EDA2R: variants seen among roughly 807,000 people sequenced by gnomAD.
The protein encoded by EDA2R is ectodysplasin A2 receptor.
A neutral mutation model predicts 20.1 loss-of-function variants in EDA2R; 26 were observed. That is an observed-to-expected ratio of 1.30 (90% CI 0.95 to 1.80). The LOEUF is 1.80. Among genes scored for constraint, EDA2R ranks in the 40% most tolerant of loss-of-function variants. EDA2R has a pLI of 0.00. For missense variants in EDA2R, 277 were observed against 228.7 expected (o/e 1.21, Z -1.36); for synonymous variants, 114 against 88.7 (o/e 1.29, Z -1.60).
intron 4 of EDA2R, among the ~76,000 whole-genome samples, chrX:66,604,167 C>T (rs1929197075): frequency 8.9e-6 from 1 of 111,873 alleles, no homozygotes; most frequent in African/African-American, 3.3e-5. Context: ...AGATACCCAT[C>T]ACACAAGGTA....
At position 66,614,532 on chromosome X, in the gene EDA2R, C is replaced by A. The variant is rs1043240527; in HGVS notation, c.87+1402G>T. Among the ~76,000 whole-genome samples, 9 of 111,997 alleles carry A rather than the reference C, an allele frequency of 8.0e-5. No individual in the cohort carries two copies. The East Asian group carries it at 1.1e-3, about 14-fold the overall frequency. On this transcript the variant is annotated intron_variant, in intron 2 of 6. Coordinates refer to ENST00000374719, the MANE Select transcript of EDA2R (RefSeq NM_021783.5). ...ATTACACATATATAAGCTTTAATAT[C>A]TATTTTAATGTCCAGCATGACCTTA...
intron 5 of EDA2R, among the ~76,000 whole-genome samples, chrX:66,602,348 G>A (rs762288558): frequency 2.2e-4 from 24 of 110,930 alleles, no homozygotes; most frequent in Admixed American, 6.7e-4. Context: ...TAGGTCTCCC[G>A]ATTCCTTTCC....
Position 66,597,949 on chromosome X carries a change from C to A in EDA2R, c.*155G>T. On this transcript the variant is annotated 3_prime_UTR_variant, in exon 7 of 7. Transcript: ENST00000374719. ...AGTCCTTGTGAAATGGAGAATCAATCCTCTGGTGGGATGGGATAGGATATG... is the reference window on the plus strand; with the variant it reads ...AGTCCTTGTGAAATGGAGAATCAATACTCTGGTGGGATGGGATAGGATATG... The A allele has an allele frequency of 1.3e-6, 1 of 747,892 alleles. No individual in the cohort carries two copies. The highest frequency in any genetic ancestry group is 2.2e-5 in the African/African-American group (1 of 46,029). 61.6% of individuals were successfully genotyped at this position (747,892 alleles called of 1,213,427 possible).
rs779409669 is a variant in EDA2R, at chrX:66,638,012, C to T, written c.-11+983G>A. ...ATAAAAAAAAACCTTTTTCTGATTT[C>T]GTATGGTTCAACTTGATACAATCCT... On this transcript the variant is annotated intron_variant, in intron 1 of 6. Transcript: ENST00000374719. Among the ~76,000 whole-genome samples the T allele has an allele frequency of 4.4e-5, 5 of 112,386 alleles. No homozygotes were observed. In the South Asian group the frequency reaches 1.5e-3, roughly 33 times the overall value.
intron 1 of EDA2R, among the ~76,000 whole-genome samples, chrX:66,633,656 T>G (rs1269372526): frequency 1.8e-5 from 2 of 111,277 alleles, no homozygotes; most frequent in African/African-American, 6.5e-5. Context: ...ACCTGAAACC[T>G]CTTGCTTTGC....
chrX:66,636,376 A>C (rs921960054), intron 1 of EDA2R, among the ~76,000 whole-genome samples: 1 of 110,837 alleles, frequency 9.0e-6, no homozygotes, highest in Non-Finnish European at 1.9e-5. Flanking sequence ...AAATGATACA[A>C]TTATCTGAGC....
intron 2 of EDA2R, among the ~76,000 whole-genome samples, chrX:66,605,564 G>T (rs1022115086): frequency 8.9e-6 from 1 of 111,907 alleles, no homozygotes; most frequent in African/African-American, 3.2e-5. Flanking sequence ...CCTACCAGGG[G>T]GTTCCTGAGG....
At chrX:66,609,348 C>A (rs1475950488) in intron 2 of EDA2R, among the ~76,000 whole-genome samples, 1 of 107,094 alleles carries the variant, frequency 9.3e-6, no homozygotes, top group Admixed American at 9.6e-5. Context: ...ATACTCCTTC[C>A]ATTCTGCCCC....
intron 1 of EDA2R, among the ~76,000 whole-genome samples, chrX:66,624,634 TG>T (rs750852276): frequency 8.9e-6 from 1 of 112,102 alleles, no homozygotes; most frequent in East Asian, 2.8e-4. Context: ...GGGATCATCA[TG>T]GCAGACGGGA....
intron 2 of EDA2R, 43 bp downstream of exon 2, chrX:66,615,891 C>T: frequency 8.9e-7 from 1 of 1,119,278 alleles, no homozygotes. Flanking sequence ...GGGCTGGTTC[C>T]TAAGATGCAA....
At chrX:66,618,888 T>G (rs1932153569) in intron 1 of EDA2R, among the ~76,000 whole-genome samples, 1 of 112,520 alleles carries the variant, frequency 8.9e-6, no homozygotes, top group African/African-American at 3.2e-5. Flanking sequence ...GTTTTACCTT[T>G]GTCAGCATCA....
At chrX:66,613,210 A>G (rs1569237984) in intron 2 of EDA2R, among the ~76,000 whole-genome samples, 2 of 112,126 alleles carry the variant, frequency 1.8e-5, no homozygotes, top group East Asian at 5.6e-4. Flanking sequence ...AACAGATGAT[A>G]CTAAAATGAA....
intron 1 of EDA2R, among the ~76,000 whole-genome samples, chrX:66,624,651 G>A (rs780759632): frequency 8.9e-6 from 1 of 111,917 alleles, no homozygotes; most frequent in South Asian, 3.8e-4. Context: ...CGGGAGGCAG[G>A]ACTAGATTGC....
At chrX:66,604,626 C>A in intron 3 of EDA2R, 120 bp from the exon 4 acceptor site, 1 of 590,535 alleles carries the variant, frequency 1.7e-6, no homozygotes, top group Non-Finnish European at 2.7e-6. Context: ...GCCCACCCCT[C>A]TTTCTGAGTT....
chrX:66,622,033 C>T (rs1315546510), intron 1 of EDA2R, among the ~76,000 whole-genome samples: 1 of 111,589 alleles, frequency 9.0e-6, no homozygotes, highest in African/African-American at 3.3e-5. Context: ...CACAGGCCTC[C>T]AAATATAATT....
chrX:66,604,766 A>G (rs949428417), intron 3 of EDA2R, among the ~76,000 whole-genome samples: 6 of 111,521 alleles, frequency 5.4e-5, no homozygotes, highest in African/African-American at 2.0e-4. Context: ...TACCAAGTAC[A>G]TCATAACTTC....
At position 66,599,950 on chromosome X, in the gene EDA2R, G is replaced by T. The variant is rs1322314234; in HGVS notation, c.518-90C>A. 6 of 1,139,212 alleles carry T rather than the reference G, an allele frequency of 5.3e-6. No individual in the cohort carries two copies. The Admixed American group carries it at 1.4e-4, about 27-fold the overall frequency. 93.9% of individuals were successfully genotyped at this position (1,139,212 alleles called of 1,213,427 possible). ...GGGTACTGAGTACAAGACAGGTAAA[G>T]GTCTGGGAGCTGATTCTTTCCTTCC... On this transcript the variant is annotated intron_variant, in intron 5 of 6. Transcript: ENST00000374719.
chrX:66,632,700 G>A (rs376466151), intron 1 of EDA2R, among the ~76,000 whole-genome samples: 1 of 111,392 alleles, frequency 9.0e-6, no homozygotes, highest in African/African-American at 3.3e-5. Flanking sequence ...ATACTGGGAC[G>A]TGGAGGAGGC....
Position 66,628,118 on chromosome X carries a change from T to TA in EDA2R, c.-11+10876dup, listed in dbSNP as rs201790614. ...TCAAATACAAAATCAAGATGGAAATTAAAAAAATTCTTAGAACTGAATGAC... is the reference window on the plus strand; with the variant it reads ...TCAAATACAAAATCAAGATGGAAATTAAAAAAAATTCTTAGAACTGAATGAC... On this transcript the variant is annotated intron_variant, in intron 1 of 6. Transcript: ENST00000374719. Among the ~76,000 whole-genome samples, 561 of 111,259 alleles carry TA rather than the reference T, an allele frequency of 5.0e-3. 4 individuals are homozygous for TA. Among genetic ancestry groups the TA allele is most frequent in the African/African-American group, 0.018 (538 of 30,653 alleles).
Sources: allele counts gnomAD v4.1 joint callset (sites outside exome capture counted in the v4.1 genomes callset), GRCh38; gene constraint gnomAD v4.1.1; transcripts MANE v1.5; gene names NCBI Gene and HGNC (gene_info 2026-07-23, HGNC 2026-07-21).